The following CTNNA3 variants were observed in gnomAD, a reference collection of about 807,000 sequenced individuals.
The protein encoded by CTNNA3 is catenin alpha 3, also known as catenin alpha-3.
CTNNA3 carries 76 observed loss-of-function variants against 95.7 expected under a neutral mutation model. That is an observed-to-expected ratio of 0.79 (90% CI 0.66 to 0.96). The LOEUF (loss-of-function observed/expected upper bound fraction) is 0.96. Ranked by LOEUF, CTNNA3 falls within the 40% of genes least tolerant of loss-of-function variation. CTNNA3 has a pLI of 0.00. For missense variants in CTNNA3, 1,191 were observed against 1,089.8 expected, an observed-to-expected ratio of 1.09 and a Z score of -1.31; for synonymous variants, 431 against 374.4, an observed-to-expected ratio of 1.15 and a Z score of -1.74.
intron 1 of CTNNA3, among the ~76,000 whole-genome samples, chr10:67,670,355 T>C (rs1840407659): frequency 6.6e-6 from 1 of 152,202 alleles, no homozygotes; most frequent in Non-Finnish European, 1.5e-5. Flanking sequence ...TTTTGCATAA[T>C]AGAACAAAAG....
At chr10:66,762,113 T>G (rs996978372) in intron 9 of CTNNA3, among the ~76,000 whole-genome samples, 3 of 152,314 alleles carry the variant, frequency 2.0e-5, no homozygotes, top group South Asian at 2.1e-4. Context: ...CTAGAACTAA[T>G]GAATATTTTT....
chr10:66,352,482 C>T (rs955752870), intron 12 of CTNNA3, among the ~76,000 whole-genome samples: 1 of 152,076 alleles, frequency 6.6e-6, no homozygotes, highest in Non-Finnish European at 1.5e-5. Flanking sequence ...CAAATGGGGT[C>T]TGAAAGATGA....
intron 7 of CTNNA3, among the ~76,000 whole-genome samples, chr10:66,905,210 G>A (rs1845933225): frequency 6.6e-6 from 1 of 152,162 alleles, no homozygotes; most frequent in Non-Finnish European, 1.5e-5. Flanking sequence ...ATGAGTGCAT[G>A]TCCTTTGCAG....
rs566356735 is a variant in CTNNA3, at chr10:66,924,778, A to T, written c.1048-149254T>A. 1.8e-3 allele frequency among the ~76,000 whole-genome samples: 272 copies of T among 152,340 alleles called. 1 individual carries two copies. The highest frequency in any genetic ancestry group is 3.0e-3 in the Non-Finnish European group (207 of 68,028). ...TTCTAAGTAACATACAGATATTAAAATGACTTAATTCTCAAAACATGAAGT... is the reference window on the plus strand; with the variant it reads ...TTCTAAGTAACATACAGATATTAAATTGACTTAATTCTCAAAACATGAAGT... On this transcript the variant is annotated intron_variant, in intron 7 of 17. Transcript: ENST00000433211.
At chr10:67,425,988 T>A (rs373931608) in intron 5 of CTNNA3, among the ~76,000 whole-genome samples, 1 of 152,112 alleles carries the variant, frequency 6.6e-6, no homozygotes, top group Non-Finnish European at 1.5e-5. Context: ...CCTCTGTTTA[T>A]TGCATAGCCC....
At chr10:65,991,826 C>T (rs925447183) in intron 15 of CTNNA3, among the ~76,000 whole-genome samples, 3 of 151,966 alleles carry the variant, frequency 2.0e-5, no homozygotes, top group Non-Finnish European at 4.4e-5. Context: ...CATCTTGTTC[C>T]GGATCTTGAT....
intron 17 of CTNNA3, among the ~76,000 whole-genome samples, chr10:65,934,069 T>C (rs1249423215): frequency 6.6e-6 from 1 of 152,170 alleles, no homozygotes; most frequent in Non-Finnish European, 1.5e-5. Flanking sequence ...CAAATGATGA[T>C]AGAAGGAAAT....
At chr10:66,609,576 G>T (rs1310509070) in intron 10 of CTNNA3, among the ~76,000 whole-genome samples, 1 of 151,562 alleles carries the variant, frequency 6.6e-6, no homozygotes, top group Non-Finnish European at 1.5e-5. Flanking sequence ...AGTCAGAATG[G>T]CTATTACTAA....
At chr10:66,221,242 T>C (rs556917681) in intron 13 of CTNNA3, among the ~76,000 whole-genome samples, 11 of 151,328 alleles carry the variant, frequency 7.3e-5, no homozygotes, top group Non-Finnish European at 1.3e-4. Flanking sequence ...AAAGACACCA[T>C]CTAATTATAA....
At chr10:66,207,345 A>G (rs2087828071) in intron 13 of CTNNA3, among the ~76,000 whole-genome samples, 1 of 151,914 alleles carries the variant, frequency 6.6e-6, no homozygotes, top group South Asian at 2.1e-4. Context: ...CATAGAAGAG[A>G]TATTTACTGT....
At chr10:66,395,885 C>T (rs969340279) in intron 11 of CTNNA3, among the ~76,000 whole-genome samples, 8 of 151,938 alleles carry the variant, frequency 5.3e-5, no homozygotes, top group Non-Finnish European at 7.4e-5. Context: ...CCATCACCCA[C>T]GTAGCAAAAA....
chr10:66,773,483 C>T (rs1245006386), intron 8 of CTNNA3, among the ~76,000 whole-genome samples: 3 of 152,082 alleles, frequency 2.0e-5, no homozygotes, highest in African/African-American at 2.4e-5. Flanking sequence ...CATTAGGCAC[C>T]GTATCGAGAG....
chr10:67,193,019 A>G (rs774627355), intron 6 of CTNNA3, among the ~76,000 whole-genome samples: 2 of 152,022 alleles, frequency 1.3e-5, no homozygotes, highest in Admixed American at 1.3e-4. Flanking sequence ...AGACAAATAC[A>G]ATATGATACC....
Position 66,017,939 on chromosome 10 carries a change from T to C in CTNNA3, c.2160-29142A>G, listed in dbSNP as rs12411788. Among the ~76,000 whole-genome samples, 885 of 152,140 alleles carry C rather than the reference T, an allele frequency of 5.8e-3. 21 individuals carry two copies. The highest frequency in any genetic ancestry group is 0.044 in the Admixed American group (675 of 15,258). On this transcript the variant is annotated intron_variant, in intron 15 of 17. Coordinates refer to ENST00000433211, the MANE Select transcript of CTNNA3 (RefSeq NM_013266.4). ...CCTATACGGCCTCCTTTATGTTTATTCAATTTTGTTATCATAGTGAGGTAT... is the reference window on the plus strand; with the variant it reads ...CCTATACGGCCTCCTTTATGTTTATCCAATTTTGTTATCATAGTGAGGTAT...
intron 10 of CTNNA3, among the ~76,000 whole-genome samples, chr10:66,578,784 C>CTTTTTTTTTTTTTTTTTTTTTTTT (rs71035156): frequency 7.0e-6 from 1 of 143,236 alleles, no homozygotes; most frequent in Non-Finnish European, 1.5e-5. Context: ...ATTTTTCTTT[C>CTTTTTTTTTTTTTTTTTTTTTTTT]TTTTTTTTTT....
intron 7 of CTNNA3, among the ~76,000 whole-genome samples, chr10:66,834,402 G>A (rs1294910789): frequency 6.6e-6 from 1 of 152,118 alleles, no homozygotes; most frequent in East Asian, 1.9e-4. Flanking sequence ...TTTTAGAATT[G>A]ACAAAATACT....
intron 11 of CTNNA3, among the ~76,000 whole-genome samples, chr10:66,383,864 A>G (rs1466307946): frequency 6.6e-6 from 1 of 152,204 alleles, no homozygotes; most frequent in African/African-American, 2.4e-5. Flanking sequence ...TAAGTGAAGG[A>G]GAAATAAAAC....
At chr10:67,258,459 A>G (rs1309418869) in intron 5 of CTNNA3, among the ~76,000 whole-genome samples, 1 of 152,110 alleles carries the variant, frequency 6.6e-6, no homozygotes, top group African/African-American at 2.4e-5. Context: ...GATTTTTCTT[A>G]AAAGTACTTG....
At chr10:66,949,846 G>A (rs1848447680) in intron 7 of CTNNA3, among the ~76,000 whole-genome samples, 1 of 152,178 alleles carries the variant, frequency 6.6e-6, no homozygotes, top group African/African-American at 2.4e-5. Context: ...AACAATGTGT[G>A]CAGAGAGGAA....
Sources: allele counts gnomAD v4.1 joint callset (sites outside exome capture counted in the v4.1 genomes callset), GRCh38; gene constraint gnomAD v4.1.1; transcripts MANE v1.5; gene names NCBI Gene and HGNC (gene_info 2026-07-23, HGNC 2026-07-21).